The following KCNIP1 variants were observed in gnomAD, a reference collection of about 807,000 sequenced individuals.
KCNIP1 encodes potassium voltage-gated channel interacting protein 1.
Under a neutral mutation model 33.0 loss-of-function variants are expected in KCNIP1, and 18 were observed. That is an observed-to-expected ratio of 0.55 (90% CI 0.38 to 0.81). The LOEUF (loss-of-function observed/expected upper bound fraction) is 0.81. KCNIP1 is among the 30% of genes least tolerant of loss of function. The pLI is 0.00. For synonymous variants in KCNIP1, 93 were observed against 98.3 expected (o/e 0.95, Z 0.32); for missense variants, 238 against 271.6 (o/e 0.88, Z 0.87).
intron 1 of KCNIP1, among the ~76,000 whole-genome samples, chr5:170,414,427 CAACTGTTTGAACCATGTTCA>C (rs1397457223): frequency 1.6e-4 from 24 of 152,334 alleles, no homozygotes; most frequent in Admixed American, 1.2e-3. Flanking sequence ...CAAATGTGGC[CAACTGTTTGAACCATGTTCA>C]AACAGGGCAA....
intron 1 of KCNIP1, among the ~76,000 whole-genome samples, chr5:170,663,063 T>C (rs759365043): frequency 3.3e-5 from 5 of 152,132 alleles, no homozygotes; most frequent in Non-Finnish European, 5.9e-5. Flanking sequence ...GCATGGGGGA[T>C]GGGGAAGAAG....
At position 170,504,759 on chromosome 5, in the gene KCNIP1, G is replaced by C; in HGVS notation, c.61+126G>C. 1 of 781,360 alleles carries C rather than the reference G, an allele frequency of 1.3e-6. No homozygotes were observed. Among genetic ancestry groups the C allele is most frequent in the East Asian group, 2.6e-5 (1 of 38,986 alleles). 48.4% of individuals were successfully genotyped at this position (781,360 alleles called of 1,614,324 possible). A position where few individuals can be genotyped will look rare whatever the true frequency, so the allele number is the denominator to read the frequency against. Reference sequence around the variant, plus strand: ...CCACGAGGAGCCCGGACAGGTGCTTGTATCCAAAGGAGAGAGAAATCGGCG... The same window carrying C: ...CCACGAGGAGCCCGGACAGGTGCTTCTATCCAAAGGAGAGAGAAATCGGCG... On this transcript the variant is annotated intron_variant, in intron 1 of 7. Coordinates refer to ENST00000328939, the MANE Select transcript of KCNIP1 (RefSeq NM_014592.4). This position sits in a 1 kb window ranked among gnomAD's most constrained non-coding sequence, Gnocchi z 6.0.
At chr5:170,592,375 T>C (rs1282959099) in intron 1 of KCNIP1, among the ~76,000 whole-genome samples, 1 of 137,816 alleles carries the variant, frequency 7.3e-6, no homozygotes, top group Non-Finnish European at 1.5e-5. Context: ...CGTGTTACAG[T>C]AAAGCCAACT....
intron 1 of KCNIP1, among the ~76,000 whole-genome samples, chr5:170,379,961 A>AG (rs1410034505): frequency 2.6e-5 from 4 of 152,224 alleles, no homozygotes; most frequent in South Asian, 2.1e-4. Context: ...CAAAAAAAAA[A>AG]AAAAAGTAAA....
Position 170,713,530 on chromosome 5 carries a change from G to A in KCNIP1, c.62-5228G>A, listed in dbSNP as rs574155747. Among the ~76,000 whole-genome samples, 96 of 152,332 alleles carry A rather than the reference G, an allele frequency of 6.3e-4. 3 individuals are homozygous for A. In the South Asian group the frequency reaches 0.019, roughly 30 times the overall value. ...CGGTGTTCAGCTCTAGCAGGCTGCT[G>A]AAGTGTCTGAATTTGAGACCAAAAT... On this transcript the variant is annotated intron_variant, in intron 1 of 7. Coordinates refer to ENST00000328939, the MANE Select transcript of KCNIP1 (RefSeq NM_014592.4).
chr5:170,529,386 C>T (rs1273561823), intron 1 of KCNIP1, among the ~76,000 whole-genome samples: 2 of 152,186 alleles, frequency 1.3e-5, no homozygotes, highest in Non-Finnish European at 2.9e-5. Context: ...CTGTGTTATG[C>T]TGTGAGGTGC....
At chr5:170,465,260 C>G (rs548452655) in intron 1 of KCNIP1, among the ~76,000 whole-genome samples, 2 of 152,196 alleles carry the variant, frequency 1.3e-5, no homozygotes, top group Non-Finnish European at 2.9e-5. Flanking sequence ...ATTATTCTCA[C>G]TAGAATGTGA....
intron 1 of KCNIP1, among the ~76,000 whole-genome samples, chr5:170,387,171 TTTTAGGGGAAATTTTAGGGGAA>T (rs1764510212): frequency 6.6e-6 from 1 of 152,160 alleles, no homozygotes; most frequent in Non-Finnish European, 1.5e-5. Flanking sequence ...TAATCCTCCA[TTTTAGGGGAAATTTTAGGGGAA>T]TTTAGGGGAA....
chr5:170,680,666 G>A (rs1294502309), intron 1 of KCNIP1: 2 of 156,478 alleles, frequency 1.3e-5, no homozygotes, highest in Admixed American at 1.3e-4. Flanking sequence ...ATCTATCTGC[G>A]ATCTAAAGCA....
rs1372133262 is a variant in KCNIP1, at chr5:170,704,800, AG to A, written c.62-13957del. 4.6e-5 allele frequency among the ~76,000 whole-genome samples: 7 copies of A among 152,330 alleles called. No individual in the cohort carries two copies. In the East Asian group the frequency reaches 1.4e-3, roughly 29 times the overall value. On this transcript the variant is annotated intron_variant, in intron 1 of 7. Transcript: ENST00000328939. ...TATTTAAAATAGATTTAAGCAGGAT[AG>A]AGCCCCCTCCCCCACCATCAAGGCT...
intron 1 of KCNIP1, among the ~76,000 whole-genome samples, chr5:170,641,899 C>T (rs1018719391): frequency 3.3e-5 from 5 of 152,292 alleles, no homozygotes; most frequent in East Asian, 1.9e-4. Context: ...CCCTCGTCCT[C>T]GGTGGCATGC....
chr5:170,378,837 A>AATAGGACGCTGGT, intron 1 of KCNIP1: 1 of 1,614,230 alleles, frequency 6.2e-7, no homozygotes, highest in South Asian at 1.1e-5. Flanking sequence ...GAGGCGCTGG[A>AATAGGACGCTGGT]ATAGGACGCT....
At position 170,504,748 on chromosome 5, in the gene KCNIP1, G is replaced by A; in HGVS notation, c.61+115G>A. ...GACTCTCCTCTCCACGAGGAGCCCGGACAGGTGCTTGTATCCAAAGGAGAG... is the reference window on the plus strand; with the variant it reads ...GACTCTCCTCTCCACGAGGAGCCCGAACAGGTGCTTGTATCCAAAGGAGAG... On this transcript the variant is annotated intron_variant, in intron 1 of 7. Transcript: ENST00000328939. This position sits in a 1 kb window ranked among gnomAD's most constrained non-coding sequence, Gnocchi z 6.0. 4.7e-6 allele frequency: 4 copies of A among 855,294 alleles called. No individual in the cohort carries two copies. The highest frequency in any genetic ancestry group is 2.5e-5 in the East Asian group (1 of 40,554). The allele number at this position is 855,294 out of a possible 1,614,324, so 53.0% of individuals were successfully genotyped here. A position where few individuals can be genotyped will look rare whatever the true frequency, so the allele number is the denominator to read the frequency against.
chr5:170,705,472 C>T (rs905663240), intron 1 of KCNIP1, among the ~76,000 whole-genome samples: 2 of 152,258 alleles, frequency 1.3e-5, no homozygotes, highest in Middle Eastern at 3.4e-3. Context: ...GGCAGAGGAG[C>T]CAGAGCCAGG....
intron 1 of KCNIP1, among the ~76,000 whole-genome samples, chr5:170,658,144 A>G (rs1761341032): frequency 6.6e-6 from 1 of 152,228 alleles, no homozygotes; most frequent in African/African-American, 2.4e-5. Context: ...GTAAAAGAGA[A>G]TAGGGTGCTA....
chr5:170,396,640 T>G (rs1754769216), intron 1 of KCNIP1, among the ~76,000 whole-genome samples: 1 of 152,198 alleles, frequency 6.6e-6, no homozygotes, highest in Non-Finnish European at 1.5e-5. Flanking sequence ...GATTCAAAGA[T>G]TTCCTGAATA....
intron 1 of KCNIP1, among the ~76,000 whole-genome samples, chr5:170,565,131 G>A (rs1757161343): frequency 6.6e-6 from 1 of 152,010 alleles, no homozygotes; most frequent in African/African-American, 2.4e-5. Context: ...AGGCTGATGA[G>A]AAAATTAACA....
At chr5:170,487,698 T>C (rs917156812) in intron 1 of KCNIP1, among the ~76,000 whole-genome samples, 2 of 151,974 alleles carry the variant, frequency 1.3e-5, no homozygotes, top group Non-Finnish European at 2.9e-5. Flanking sequence ...ATTTTTGTAT[T>C]TTTTGTAGAG....
intron 1 of KCNIP1, among the ~76,000 whole-genome samples, chr5:170,362,636 C>G (rs1763544663): frequency 6.6e-6 from 1 of 152,180 alleles, no homozygotes. Flanking sequence ...TGTTGTATTT[C>G]TAGTCTGGCC....
Sources: allele counts gnomAD v4.1 joint callset (sites outside exome capture counted in the v4.1 genomes callset), GRCh38; gene constraint gnomAD v4.1.1; non-coding constraint Gnocchi (gnomAD v3.1); transcripts MANE v1.5; gene names NCBI Gene and HGNC (gene_info 2026-07-23, HGNC 2026-07-21).